NFXL1: variants seen among roughly 807,000 people sequenced by gnomAD.
NFXL1 encodes the protein nuclear transcription factor, X-box binding like 1.
A neutral mutation model predicts 123.3 loss-of-function variants in NFXL1; 66 were observed. That is an observed-to-expected ratio of 0.54 (90% confidence interval 0.44 to 0.66). The LOEUF (loss-of-function observed/expected upper bound fraction) is 0.66, where lower values mean the gene tolerates loss of function less well. Among genes scored for constraint, NFXL1 ranks in the 30% least tolerant of loss-of-function variants. The probability of loss-of-function intolerance (pLI) is 0.00; values close to 1 mark genes in which losing one functional copy is unlikely to be tolerated. For synonymous variants in NFXL1, 346 were observed against 360.8 expected (o/e 0.96, Z 0.46); for missense variants, 944 against 1,125.6 (o/e 0.84, Z 2.31).
chr4:47,903,118 A>C, intron 5 of NFXL1, 75 bp downstream of exon 5: 1 of 1,056,330 alleles, frequency 9.5e-7, no homozygotes, highest in Non-Finnish European at 1.3e-6. Flanking sequence ...TCGCCACTGC[A>C]CTCCAGCCTG....
intron 15 of NFXL1, among the ~76,000 whole-genome samples, chr4:47,880,602 T>C (rs913670205): frequency 6.6e-6 from 1 of 151,546 alleles, no homozygotes; most frequent in Non-Finnish European, 1.5e-5. Flanking sequence ...GTGGAACACA[T>C]GTATCAGTGC....
At chr4:47,877,423 T>TTG (rs1735819969) in intron 17 of NFXL1, among the ~76,000 whole-genome samples, 1 of 152,100 alleles carries the variant, frequency 6.6e-6, no homozygotes, top group Non-Finnish European at 1.5e-5. Context: ...AGGAAGCAAT[T>TTG]TGGGGATAAT....
chr4:47,871,357 A>C (rs1344192706), intron 18 of NFXL1, among the ~76,000 whole-genome samples: 1 of 151,672 alleles, frequency 6.6e-6, no homozygotes, highest in Non-Finnish European at 1.5e-5. Context: ...TCTCAAAAAA[A>C]AAAAAAACAA....
rs369759945 is a variant in NFXL1 at position 47,910,966 on chromosome 4, T to A, written c.264A>T (p.Glu88Asp). 2 of 1,602,700 alleles carry A rather than the reference T, an allele frequency of 1.2e-6. No homozygotes were observed. The highest frequency in any genetic ancestry group is 8.5e-7 in the Non-Finnish European group (1 of 1,175,806). ...CTGCAGCTTGGTTAGCTTTCTTGAT[T>A]TCTTCAAATTTTTTCTGAGACATTA... ...SELMSQKKFE[E>D]IKKANQAAAR... Residue 88 changes from glutamate (E) to aspartate (D), a missense_variant, in exon 3 of 23, where the codon GAA becomes GAT. Physicochemically the swap from Glu to Asp is conservative, Grantham distance 45. Transcript: ENST00000507489.
At chr4:47,880,094 A>C (rs182069357) in intron 15 of NFXL1, among the ~76,000 whole-genome samples, 3 of 152,200 alleles carry the variant, frequency 2.0e-5, no homozygotes, top group Non-Finnish European at 4.4e-5. Flanking sequence ...AAGAACATTT[A>C]GAGAATGAAA....
chr4:47,905,677 G>A (rs1560605168), intron 3 of NFXL1, among the ~76,000 whole-genome samples: 4 of 140,802 alleles, frequency 2.8e-5, no homozygotes, highest in Admixed American at 2.3e-4. Context: ...TTAAGGAAAA[G>A]CAAAGTGTGA....
At chr4:47,861,569 A>G (rs1395653652) in intron 19 of NFXL1, among the ~76,000 whole-genome samples, 2 of 152,228 alleles carry the variant, frequency 1.3e-5, no homozygotes, top group African/African-American at 4.8e-5. Flanking sequence ...TACTAAGATT[A>G]AAAATAAAAC....
intron 18 of NFXL1, among the ~76,000 whole-genome samples, chr4:47,866,100 A>T (rs949394523): frequency 2.6e-5 from 4 of 152,152 alleles, no homozygotes; most frequent in Admixed American, 2.0e-4. Flanking sequence ...GAAGAAGGTA[A>T]AAAGGGAAAG....
chr4:47,910,872 G>T lies in NFXL1; in HGVS notation c.358C>A (p.Gln120Lys), dbSNP rs749785185. 1 of 1,601,496 alleles carries T rather than the reference G, an allele frequency of 6.2e-7. No homozygotes were observed. The highest frequency in any genetic ancestry group is 8.5e-7 in the Non-Finnish European group (1 of 1,174,444). ...EEGDEDFEGKQGKILANTFIT... is the reference protein window; with the variant it reads ...EEGDEDFEGKKGKILANTFIT... ...AACGTATTTGCAAGTATTTTTCCCTGTTTTCCTTCAAAATCTTCATCTCCT... is the reference window on the plus strand; with the variant it reads ...AACGTATTTGCAAGTATTTTTCCCTTTTTTCCTTCAAAATCTTCATCTCCT... The change falls in exon 3 of 23, where the codon CAG becomes AAG. Residue 120 changes from glutamine (Q) to lysine (K), a missense_variant. By Grantham distance (53) the Gln-to-Lys change is moderately conservative. Around this residue, in one of 4 missense-constraint regions of NFXL1, gnomAD observed 303 missense variants for 292.1 expected, o/e 1.04. Transcript: ENST00000507489.
At chr4:47,876,950 G>C in intron 17 of NFXL1, 1 of 489,110 alleles carries the variant, frequency 2.0e-6, no homozygotes, top group Non-Finnish European at 3.4e-6. Flanking sequence ...TTCTGAGATG[G>C]GAAAGACTGA....
intron 14 of NFXL1, among the ~76,000 whole-genome samples, chr4:47,884,836 A>C (rs1377208434): frequency 6.6e-6 from 1 of 152,096 alleles, no homozygotes. Context: ...ATAAATGTTC[A>C]TGAGGCTGGG....
chr4:47,893,916 GATCA>G (rs1560599206), intron 11 of NFXL1, among the ~76,000 whole-genome samples: 1 of 41,342 alleles, frequency 2.4e-5, no homozygotes, highest in Non-Finnish European at 5.3e-5. Context: ...ACATTTCAGT[GATCA>G]GAAATAGTGA....
intron 12 of NFXL1, among the ~76,000 whole-genome samples, chr4:47,888,535 G>A (rs1184294870): frequency 2.0e-5 from 3 of 148,128 alleles, no homozygotes; most frequent in Non-Finnish European, 4.5e-5. Flanking sequence ...AGGATTAATA[G>A]AAATCTATAA....
intron 20 of NFXL1, 101 bp from the exon 21 acceptor site, chr4:47,852,043 T>C (rs1734147785): frequency 3.0e-6 from 2 of 674,838 alleles, no homozygotes; most frequent in Non-Finnish European, 5.3e-6. Context: ...GTTATAAGTA[T>C]TATTTGATGT....
chr4:47,877,008 T>C, intron 17 of NFXL1: 1 of 1,184,048 alleles, frequency 8.4e-7, no homozygotes, highest in Non-Finnish European at 1.1e-6. Flanking sequence ...GAACCAAAGT[T>C]CACCTAAAGA....
intron 10 of NFXL1, among the ~76,000 whole-genome samples, 190 bp from the exon 11 acceptor site, chr4:47,894,492 C>A (rs1450236661): frequency 2.7e-5 from 4 of 150,898 alleles, no homozygotes; most frequent in Non-Finnish European, 4.4e-5. Flanking sequence ...CCAAAAAGGA[C>A]TTCATATAAA....
Position 47,898,005 on chromosome 4 carries a change from G to C in NFXL1, c.1166C>G (p.Pro389Arg). The change falls in exon 9 of 23, where the codon CCT (proline) becomes CGT (arginine). Residue 389 changes from proline (P) to arginine (R), a missense_variant. Around this residue, in one of 4 missense-constraint regions of NFXL1, gnomAD observed 296 missense variants for 395.1 expected, o/e 0.75. Coordinates refer to ENST00000507489, the MANE Select transcript of NFXL1 (RefSeq NM_001278624.2). The stretch of plus-strand genomic sequence containing the variant: ...TGGACAGAACCTTTTCCCAGATCGA[G>C]GACATTCTCCACAAGCACCAACATG... ...VCHVGACGEC[P>R]RSGKRFCPCQ... The C allele has an allele frequency of 6.2e-7, 1 of 1,612,002 alleles. No individual in the cohort carries two copies.
At chr4:47,870,629 C>A (rs748903680) in intron 18 of NFXL1, among the ~76,000 whole-genome samples, 15 of 151,496 alleles carry the variant, frequency 9.9e-5, no homozygotes, top group Admixed American at 2.0e-4. Context: ...CAAAGGACGT[C>A]AACAGCCAAT....
chr4:47,905,199 G>C, intron 4 of NFXL1, 38 bp downstream of exon 4: 2 of 810,874 alleles, frequency 2.5e-6, no homozygotes, highest in East Asian at 2.5e-5. Flanking sequence ...AAGGTATTTT[G>C]GGGAGATACA....
Sources: gnomAD v4.1 joint callset for allele counts (sites outside exome capture counted in the v4.1 genomes callset) on GRCh38, gnomAD v4.1.1 for gene constraint, gnomAD v4.1.1 regional missense constraint, MANE v1.5 for transcripts, NCBI Gene and HGNC (gene_info 2026-07-23, HGNC 2026-07-21) for gene names.